DENND4C: variants seen among roughly 807,000 people sequenced by gnomAD.
The protein encoded by DENND4C is DENN domain containing 4C.
A neutral mutation model predicts 203.0 loss-of-function variants in DENND4C; 108 were observed. That is an observed-to-expected ratio of 0.53 (90% CI 0.46 to 0.62). DENND4C has a LOEUF of 0.62. Ranked by LOEUF, DENND4C falls within the 20% of genes least tolerant of loss-of-function variation. The probability of loss-of-function intolerance (pLI) is 0.00; values close to 1 mark genes in which losing one functional copy is unlikely to be tolerated. For synonymous variants in DENND4C, 871 were observed against 792.4 expected (o/e 1.10, Z -1.67); for missense variants, 2,481 against 2,301.2 (o/e 1.08, Z -1.60).
At chr9:19,239,216 T>C (rs1360349638) in intron 1 of DENND4C, among the ~76,000 whole-genome samples, 1 of 152,186 alleles carries the variant, frequency 6.6e-6, no homozygotes, top group Non-Finnish European at 1.5e-5. Flanking sequence ...CTCTCTTATT[T>C]TCTAATACAG....
intron 2 of DENND4C, among the ~76,000 whole-genome samples, chr9:19,284,633 G>T (rs1268131768): frequency 6.6e-6 from 1 of 151,778 alleles, no homozygotes; most frequent in African/African-American, 2.4e-5. Flanking sequence ...CATATTTTTT[G>T]TCAATCTCAC....
chr9:19,343,085 G>A (rs1343865269), intron 22 of DENND4C, among the ~76,000 whole-genome samples: 1 of 152,118 alleles, frequency 6.6e-6, no homozygotes, highest in Non-Finnish European at 1.5e-5. Flanking sequence ...AGGGCTTCCT[G>A]TATGCATCAT....
chr9:19,315,688 C>G (rs1841705547), intron 10 of DENND4C, among the ~76,000 whole-genome samples: 1 of 149,854 alleles, frequency 6.7e-6, no homozygotes, highest in South Asian at 2.1e-4. Flanking sequence ...TAAAAATGGT[C>G]ATCTCTATGG....
chr9:19,304,965 T>G (rs926144717), intron 9 of DENND4C, among the ~76,000 whole-genome samples: 1 of 151,878 alleles, frequency 6.6e-6, no homozygotes, highest in Admixed American at 6.6e-5. Flanking sequence ...CTGAGGTAAT[T>G]TTGAGAATTA....
chr9:19,327,722 CAT>C lies in DENND4C; in HGVS notation c.2121-306_2121-305del, dbSNP rs1055982670. On this transcript the variant is annotated intron_variant, in intron 15 of 32. Transcript: ENST00000434457. The stretch of plus-strand genomic sequence containing the variant: ...TGAAGTATACTAAAATTTTTTTAAA[CAT>C]AAATTATTGAATACATGGATTATCT... Among the ~76,000 whole-genome samples, 60 of 151,526 alleles carry C rather than the reference CAT, an allele frequency of 4.0e-4. 4 individuals are homozygous for C. Among genetic ancestry groups the C allele is most frequent in the Non-Finnish European group, 5.9e-5 (4 of 67,856 alleles).
rs370482654 is a variant in DENND4C at position 19,337,077 on chromosome 9, TTG to T, written c.2881+248_2881+249del. Among the ~76,000 whole-genome samples the T allele has an allele frequency of 5.6e-3, 852 of 152,286 alleles. 7 individuals are homozygous for T. Among genetic ancestry groups the T allele is most frequent in the African/African-American group, 0.019 (799 of 41,552 alleles). On this transcript the variant is annotated intron_variant, in intron 20 of 32. Coordinates refer to ENST00000434457, the MANE Select transcript of DENND4C (RefSeq NM_001330640.2). ...TTCTTTGTATTTGTTTATCATTAGTTTGTGAAAGTGTATGCTATAATTAGGAA... is the reference window on the plus strand; with the variant it reads ...TTCTTTGTATTTGTTTATCATTAGTTTGAAAGTGTATGCTATAATTAGGAA...
intron 24 of DENND4C, among the ~76,000 whole-genome samples, 191 bp from the exon 25 acceptor site, chr9:19,351,882 T>C (rs560220269): frequency 6.6e-6 from 1 of 152,254 alleles, no homozygotes; most frequent in East Asian, 1.9e-4. Context: ...AACAATCATG[T>C]ATTTTCCACC....
At chr9:19,234,476 C>G (rs1293380703) in intron 1 of DENND4C, among the ~76,000 whole-genome samples, 3 of 151,262 alleles carry the variant, frequency 2.0e-5, no homozygotes, top group Non-Finnish European at 4.4e-5. Context: ...GTTATCCACC[C>G]ACCTTGGCCT....
At chr9:19,298,202 T>C (rs1345900934) in intron 7 of DENND4C, 80 bp downstream of exon 7, 1 of 1,335,336 alleles carries the variant, frequency 7.5e-7, no homozygotes, top group Non-Finnish European at 1.1e-6. Flanking sequence ...TGTATACCTT[T>C]GGGTTTGAGG....
intron 4 of DENND4C, among the ~76,000 whole-genome samples, chr9:19,289,191 C>T (rs568443997): frequency 2.6e-5 from 4 of 152,294 alleles, no homozygotes; most frequent in East Asian, 3.9e-4. Context: ...AGAAATCTAT[C>T]GCCACATTCT....
At chr9:19,297,247 G>C (rs764556510) in intron 6 of DENND4C, among the ~76,000 whole-genome samples, 1 of 152,156 alleles carries the variant, frequency 6.6e-6, no homozygotes, top group Non-Finnish European at 1.5e-5. Context: ...TACTAGTTTA[G>C]TGGATAAGGT....
intron 12 of DENND4C, among the ~76,000 whole-genome samples, chr9:19,322,544 G>A (rs890576416): frequency 1.3e-5 from 2 of 151,704 alleles, no homozygotes; most frequent in Non-Finnish European, 2.9e-5. Flanking sequence ...GGCGGATCAC[G>A]AGGTCAGGAG....
At chr9:19,259,897 A>G (rs1564094890) in intron 1 of DENND4C, among the ~76,000 whole-genome samples, 1 of 152,166 alleles carries the variant, frequency 6.6e-6, no homozygotes, top group South Asian at 2.1e-4. Context: ...AATCTTGGCT[A>G]TTGTGAATAG....
chr9:19,360,474 T>A lies in DENND4C; in HGVS notation c.5391T>A (p.Cys1797Ter). ...GACTTATCCTCACATCTGAACATTG[T>A]AATGAAGGTGTACAGGTAGGGTGCC... The part of the protein sequence containing the change: ...LPGLILTSEH[C>*]NEGVQLPLSS... The change falls in exon 29 of 33, where the codon TGT (cysteine) becomes TGA (stop). Residue 1797 changes from cysteine (C) to a stop codon, truncating the protein, a stop_gained. Transcript: ENST00000434457. LOFTEE classifies it high-confidence loss of function. The A allele has an allele frequency of 6.2e-7, 1 of 1,614,092 alleles. No homozygotes were observed. Among genetic ancestry groups the A allele is most frequent in the Non-Finnish European group, 8.5e-7 (1 of 1,179,988 alleles).
In DENND4C at chr9:19,336,781, T is replaced by C. The variant is rs1361069971; in HGVS notation, c.2830T>C (p.Phe944Leu). The stretch of plus-strand genomic sequence containing the variant: ...TGCTAACAATGGGGAGCACACAGTC[T>C]TCGTCAGAGATTTAATCAGGCTTGA... ...NDANNGEHTV[F>L]VRDLIRLESI... The change falls in exon 20 of 33, where the codon TTC (phenylalanine) becomes CTC (leucine). Residue 944 changes from phenylalanine to leucine, a missense_variant. By Grantham distance (22) the Phe-to-Leu change is conservative. Around this residue, in one of 3 missense-constraint regions of DENND4C, gnomAD observed 2,289 missense variants for 2,113.3 expected, o/e 1.08. Coordinates refer to ENST00000434457, the MANE Select transcript of DENND4C (RefSeq NM_001330640.2). The C allele has an allele frequency of 2.6e-6, 4 of 1,550,888 alleles. No homozygotes were observed. Among genetic ancestry groups the C allele is most frequent in the Non-Finnish European group, 3.5e-6 (4 of 1,147,038 alleles).
At chr9:19,369,492 T>A (rs540234184) in intron 30 of DENND4C, among the ~76,000 whole-genome samples, 13 of 152,170 alleles carry the variant, frequency 8.5e-5, no homozygotes, top group African/African-American at 3.1e-4. Flanking sequence ...TAATTGGGAC[T>A]GGGACTGGGC....
chr9:19,336,189 A>C, intron 18 of DENND4C, 81 bp from the exon 19 acceptor site: 1 of 1,289,144 alleles, frequency 7.8e-7, no homozygotes, highest in Non-Finnish European at 1.1e-6. Context: ...ATATATAAAC[A>C]TACACACACA....
At chr9:19,361,793 T>G (rs986028167) in intron 29 of DENND4C, 53 bp from the exon 30 acceptor site, 2 of 1,067,118 alleles carry the variant, frequency 1.9e-6, no homozygotes, top group African/African-American at 3.1e-5. Flanking sequence ...TCACTAGATC[T>G]ACTGGTAATT....
In DENND4C at chr9:19,271,665, A is replaced by C. The variant is rs929821942; in HGVS notation, c.-17-4493A>C. On this transcript the variant is annotated intron_variant, in intron 1 of 32. Transcript: ENST00000434457. Reference sequence around the variant, plus strand: ...CGGATCACCTGAGGTGGTTGAGTTAAAGACCAGCCTGACCAACATGGAGAA... The same window carrying C: ...CGGATCACCTGAGGTGGTTGAGTTACAGACCAGCCTGACCAACATGGAGAA... 1.4e-4 allele frequency among the ~76,000 whole-genome samples: 22 copies of C among 152,090 alleles called. 2 individuals are homozygous for C. Among genetic ancestry groups the C allele is most frequent in the Admixed American group, 4.6e-4 (7 of 15,268 alleles).
Sources: gnomAD v4.1 joint callset for allele counts (sites outside exome capture counted in the v4.1 genomes callset) on GRCh38, gnomAD v4.1.1 for gene constraint, gnomAD v4.1.1 regional missense constraint, MANE v1.5 for transcripts, NCBI Gene and HGNC (gene_info 2026-07-23, HGNC 2026-07-21) for gene names.